DTD1: variants seen among roughly 807,000 people sequenced by gnomAD.
DTD1 encodes D-tyrosyl-tRNA deacylase 1 homolog.
DTD1 carries 13 observed loss-of-function variants against 25.6 expected under a neutral mutation model. The observed-to-expected ratio is 0.51, with a 90% CI of 0.33 to 0.81. The LOEUF is 0.81. Ranked by LOEUF, DTD1 falls within the 30% of genes least tolerant of loss-of-function variation. DTD1 has a pLI of 0.02. For synonymous variants in DTD1, 110 were observed against 103.6 expected (o/e 1.06, Z -0.37); for missense variants, 193 against 266.4 (o/e 0.72, Z 1.92).
chr20:18,705,296 G>C (rs1210310667), intron 4 of DTD1, among the ~76,000 whole-genome samples: 1 of 152,176 alleles, frequency 6.6e-6, no homozygotes, highest in Non-Finnish European at 1.5e-5. Flanking sequence ...AAATTTTATA[G>C]ATTGGTTGAT....
chr20:18,595,750 G>A (rs1025233348), intron 2 of DTD1, among the ~76,000 whole-genome samples: 5 of 152,186 alleles, frequency 3.3e-5, no homozygotes, highest in Non-Finnish European at 7.3e-5. Flanking sequence ...TAGCTGCTAT[G>A]AACTGGAGCG....
At chr20:18,682,058 C>T (rs2060999639) in intron 4 of DTD1, among the ~76,000 whole-genome samples, 1 of 152,080 alleles carries the variant, frequency 6.6e-6, no homozygotes, top group Admixed American at 6.5e-5. Flanking sequence ...GTTAACAGTA[C>T]AGTGTTATTT....
At chr20:18,651,234 C>T (rs1241649765) in intron 4 of DTD1, among the ~76,000 whole-genome samples, 1 of 152,216 alleles carries the variant, frequency 6.6e-6, no homozygotes, top group Admixed American at 6.5e-5. Flanking sequence ...TCACTGCAAC[C>T]TCTGCCTCCC....
intron 4 of DTD1, among the ~76,000 whole-genome samples, chr20:18,681,013 A>G (rs1447566307): frequency 6.6e-6 from 1 of 152,198 alleles, no homozygotes; most frequent in Non-Finnish European, 1.5e-5. Flanking sequence ...GTTTTTCGCC[A>G]GTCCTTTTCT....
At chr20:18,598,772 G>A (rs1348255027) in intron 3 of DTD1, among the ~76,000 whole-genome samples, 1 of 151,634 alleles carries the variant, frequency 6.6e-6, no homozygotes, top group African/African-American at 2.4e-5. Flanking sequence ...GCCTCCCAAA[G>A]TGCTGGGATT....
intron 5 of DTD1, among the ~76,000 whole-genome samples, chr20:18,758,468 T>G (rs545044369): frequency 2.6e-5 from 4 of 152,374 alleles, no homozygotes; most frequent in African/African-American, 9.6e-5. Context: ...TCTGGTATGT[T>G]GTGTCTTTGT....
intron 4 of DTD1, among the ~76,000 whole-genome samples, chr20:18,660,224 T>G (rs1365628588): frequency 6.6e-6 from 1 of 152,196 alleles, no homozygotes; most frequent in Non-Finnish European, 1.5e-5. Context: ...AAGTATTTTT[T>G]ATTTTTATTT....
chr20:18,632,263 T>G (rs2060791496), intron 4 of DTD1: 4 of 985,488 alleles, frequency 4.1e-6, no homozygotes, highest in Non-Finnish European at 4.8e-6. Context: ...TTCTGAATCC[T>G]TTAGGAGTTT....
At chr20:18,738,566 C>T (rs1235205099) in intron 4 of DTD1, among the ~76,000 whole-genome samples, 2 of 152,208 alleles carry the variant, frequency 1.3e-5, no homozygotes, top group African/African-American at 2.4e-5. Context: ...CCTCCCCTGA[C>T]TATGGCCAAG....
intron 4 of DTD1, among the ~76,000 whole-genome samples, chr20:18,710,648 G>A (rs1338555386): frequency 1.3e-5 from 2 of 152,228 alleles, no homozygotes. Flanking sequence ...AGAAATGACT[G>A]TATAATTAAG....
intron 3 of DTD1, among the ~76,000 whole-genome samples, chr20:18,609,677 T>C (rs1015105982): frequency 1.3e-5 from 2 of 152,194 alleles, no homozygotes; most frequent in African/African-American, 2.4e-5. Context: ...TTTAATTCTC[T>C]TTCTACTTGT....
intron 4 of DTD1, among the ~76,000 whole-genome samples, chr20:18,741,904 T>A (rs2328333): frequency 3.3e-5 from 3 of 89,950 alleles, no homozygotes; most frequent in East Asian, 5.0e-4. Context: ...TGTATTTTTT[T>A]TTTTTTTTTT....
At chr20:18,610,851 G>A (rs2060683835) in intron 3 of DTD1, among the ~76,000 whole-genome samples, 1 of 152,256 alleles carries the variant, frequency 6.6e-6, no homozygotes, top group African/African-American at 2.4e-5. Flanking sequence ...GATTGAGGCT[G>A]CAGTGAGCTG....
At chr20:18,686,683 G>GTGTGCA (rs2061018369) in intron 4 of DTD1, among the ~76,000 whole-genome samples, 1 of 151,690 alleles carries the variant, frequency 6.6e-6, no homozygotes, top group Non-Finnish European at 1.5e-5. Flanking sequence ...TGTGGTGTGT[G>GTGTGCA]TGTGCATGTG....
intron 4 of DTD1, among the ~76,000 whole-genome samples, chr20:18,717,438 A>G (rs1457501626): frequency 6.6e-6 from 1 of 152,188 alleles, no homozygotes; most frequent in Admixed American, 6.5e-5. Flanking sequence ...GCTTTTTATA[A>G]TAGATTTATG....
intron 4 of DTD1, among the ~76,000 whole-genome samples, chr20:18,660,334 C>A (rs775765850): frequency 1.6e-4 from 24 of 152,210 alleles, no homozygotes; most frequent in Admixed American, 1.4e-3. Context: ...ATCCTCCCAT[C>A]CTAGCCTCCT....
At chr20:18,744,788 T>C (rs767025951) in intron 5 of DTD1, among the ~76,000 whole-genome samples, 4 of 152,026 alleles carry the variant, frequency 2.6e-5, no homozygotes, top group Non-Finnish European at 5.9e-5. Flanking sequence ...TGAATTGTAG[T>C]TCCCATAATT....
intron 4 of DTD1, among the ~76,000 whole-genome samples, chr20:18,732,921 G>A (rs533466410): frequency 6.6e-6 from 1 of 152,292 alleles, no homozygotes; most frequent in African/African-American, 2.4e-5. Flanking sequence ...TAAGCGTCTG[G>A]TTAAGAGAGG....
chr20:18,606,021 C>T (rs2122265181), intron 3 of DTD1, among the ~76,000 whole-genome samples: 1 of 143,790 alleles, frequency 7.0e-6, no homozygotes, highest in South Asian at 2.2e-4. Flanking sequence ...TTTTCGCAAC[C>T]TACTCATCTG....
Sources: allele counts gnomAD v4.1 joint callset (sites outside exome capture counted in the v4.1 genomes callset), GRCh38; gene constraint gnomAD v4.1.1; transcripts MANE v1.5; gene names NCBI Gene and HGNC (gene_info 2026-07-23, HGNC 2026-07-21).